DNAH5: variants seen among roughly 807,000 people sequenced by gnomAD.
DNAH5 encodes the protein dynein axonemal heavy chain 5, also known as axonemal beta dynein heavy chain 5.
Under a neutral mutation model 518.2 loss-of-function variants are expected in DNAH5, and 372 were observed. The observed-to-expected ratio is 0.72, with a 90% CI of 0.66 to 0.78. The LOEUF (loss-of-function observed/expected upper bound fraction) is 0.78. DNAH5 is among the 30% of genes least tolerant of loss of function. The probability of loss-of-function intolerance (pLI) is 0.00; values close to 1 mark genes in which losing one functional copy is unlikely to be tolerated. For missense variants in DNAH5, 5,523 were observed against 5,687.0 expected, an observed-to-expected ratio of 0.97 and a Z score of 0.93; for synonymous variants, 2,039 against 2,025.9, an observed-to-expected ratio of 1.01 and a Z score of -0.17.
chr5:13,983,730 T>A (rs1782844012), intron 1 of DNAH5, among the ~76,000 whole-genome samples: 1 of 152,150 alleles, frequency 6.6e-6, no homozygotes, highest in South Asian at 2.1e-4. Context: ...GATGACATCA[T>A]TTCCTGTTTA....
intron 47 of DNAH5, among the ~76,000 whole-genome samples, chr5:13,806,862 T>C (rs1759689734): frequency 6.6e-6 from 1 of 152,112 alleles, no homozygotes; most frequent in Admixed American, 6.5e-5. Flanking sequence ...CTGTGATACA[T>C]AGAGCAAAAT....
intron 1 of DNAH5, among the ~76,000 whole-genome samples, chr5:13,957,367 A>G (rs972453633): frequency 6.6e-6 from 1 of 152,218 alleles, no homozygotes; most frequent in Admixed American, 6.5e-5. Flanking sequence ...GTTATCAATT[A>G]TTTACACTTA....
chr5:13,695,176 T>C (rs1312510511), intron 78 of DNAH5, among the ~76,000 whole-genome samples: 1 of 152,206 alleles, frequency 6.6e-6, no homozygotes, highest in Non-Finnish European at 1.5e-5. Context: ...TGTGGCATAT[T>C]TGAGATGCCT....
chr5:13,777,057 T>G, intron 54 of DNAH5, 145 bp downstream of exon 54: 1 of 796,302 alleles, frequency 1.3e-6, no homozygotes, highest in Non-Finnish European at 2.0e-6. Context: ...AAAAACCCAA[T>G]AGAAAAACCC....
intron 1 of DNAH5, among the ~76,000 whole-genome samples, chr5:13,986,685 C>T (rs754987778): frequency 6.6e-6 from 1 of 152,180 alleles, no homozygotes; most frequent in Non-Finnish European, 1.5e-5. Context: ...TCACTACCCA[C>T]GCTGTAATTC....
intron 35 of DNAH5, among the ~76,000 whole-genome samples, chr5:13,831,804 TAAC>T (rs975371727): frequency 6.6e-6 from 1 of 152,194 alleles, no homozygotes; most frequent in Admixed American, 6.5e-5. Flanking sequence ...GCAGAGTCTG[TAAC>T]AACAACAGAC....
At chr5:13,948,303 A>G (rs1039759025), upstream of DNAH5, among the ~76,000 whole-genome samples, 2 of 152,194 alleles carry the variant, frequency 1.3e-5, no homozygotes, top group African/African-American at 2.4e-5. Flanking sequence ...GTATGGATGC[A>G]TGGGGGTGAT....
At position 13,933,483 on chromosome 5, in the gene DNAH5, A is replaced by G. The variant is rs191130036; in HGVS notation, c.58-2239T>C. Among the ~76,000 whole-genome samples, 425 of 152,314 alleles carry G rather than the reference A, an allele frequency of 2.8e-3. 5 individuals are homozygous for G. The highest frequency in any genetic ancestry group is 1.0e-2 in the African/African-American group (414 of 41,570). On this transcript the variant is annotated intron_variant, in intron 1 of 78. Coordinates refer to ENST00000265104, the MANE Select transcript of DNAH5 (RefSeq NM_001369.3). ...TATCCCAGGAGCAAGGAGAAAAAGA[A>G]GTGCAAATAAAGAAAGCTAAGGATG...
At chr5:13,832,721 T>A (rs2151842074) in intron 35 of DNAH5, among the ~76,000 whole-genome samples, 1 of 152,354 alleles carries the variant, frequency 6.6e-6, no homozygotes. Flanking sequence ...TTGTACTATA[T>A]GAACATTGGT....
chr5:13,935,854 G>A (rs1178212770), intron 1 of DNAH5, among the ~76,000 whole-genome samples: 2 of 152,176 alleles, frequency 1.3e-5, no homozygotes, highest in African/African-American at 4.8e-5. Flanking sequence ...AAGGCAGAGA[G>A]GGATTAAGAA....
chr5:13,759,695 C>T (rs1489648357), intron 60 of DNAH5, among the ~76,000 whole-genome samples: 1 of 151,942 alleles, frequency 6.6e-6, no homozygotes, highest in Non-Finnish European at 1.5e-5. Flanking sequence ...AAGACTTAAC[C>T]AAAAGCAATA....
chr5:13,876,889 T>A (rs1164170364), intron 21 of DNAH5, 72 bp from the exon 22 acceptor site: 2 of 1,482,396 alleles, frequency 1.3e-6, no homozygotes, highest in African/African-American at 2.8e-5. Flanking sequence ...ATGAGGATAT[T>A]TCTGTGATAG....
rs146599518 is a variant in DNAH5, at chr5:13,934,370, A to G, written c.58-3126T>C. Among the ~76,000 whole-genome samples, 414 of 152,310 alleles carry G rather than the reference A, an allele frequency of 2.7e-3. 2 individuals are homozygous for G. The highest frequency in any genetic ancestry group is 9.8e-3 in the African/African-American group (406 of 41,566). The stretch of plus-strand genomic sequence containing the variant: ...CCAGCAGAGCCCAGTCACTCACAGA[A>G]TAAAGAGAGATAACAGATGATTGTT... On this transcript the variant is annotated intron_variant, in intron 1 of 78. Transcript: ENST00000265104.
At chr5:13,710,862 G>A (rs1488161249) in intron 75 of DNAH5, among the ~76,000 whole-genome samples, 1 of 152,132 alleles carries the variant, frequency 6.6e-6, no homozygotes, top group Non-Finnish European at 1.5e-5. Context: ...CAGTGAGATT[G>A]AAATGGTAAT....
intron 68 of DNAH5, among the ~76,000 whole-genome samples, chr5:13,734,734 C>G (rs1057095241): frequency 6.6e-6 from 1 of 152,122 alleles, no homozygotes; most frequent in Non-Finnish European, 1.5e-5. Flanking sequence ...CCATTGAATA[C>G]CTCACTTAAA....
chr5:13,751,002 T>C, intron 65 of DNAH5, 76 bp downstream of exon 65: 2 of 1,482,274 alleles, frequency 1.3e-6, no homozygotes, highest in East Asian at 2.3e-5. Context: ...CTATTACAAC[T>C]GTTATTATCT....
chr5:13,862,238 C>A (rs566019217), intron 29 of DNAH5, among the ~76,000 whole-genome samples: 43 of 152,008 alleles, frequency 2.8e-4, no homozygotes, highest in Middle Eastern at 3.4e-3. Flanking sequence ...AGTGGATGGT[C>A]TCAGACATAC....
chr5:13,922,876 C>CTGTCAGAGG (rs1390061353), intron 4 of DNAH5, among the ~76,000 whole-genome samples: 1 of 151,760 alleles, frequency 6.6e-6, no homozygotes, highest in African/African-American at 2.4e-5. Flanking sequence ...GATAGTGCAC[C>CTGTCAGAGG]TGTCAGAGGG....
intron 60 of DNAH5, 32 bp downstream of exon 60, chr5:13,762,690 C>T: frequency 6.2e-7 from 1 of 1,608,484 alleles, no homozygotes; most frequent in East Asian, 2.2e-5. Flanking sequence ...TCCGCCCAGC[C>T]ACCTTCACCC....
Sources: allele counts gnomAD v4.1 joint callset (sites outside exome capture counted in the v4.1 genomes callset), GRCh38; gene constraint gnomAD v4.1.1; transcripts MANE v1.5; gene names NCBI Gene and HGNC (gene_info 2026-07-23, HGNC 2026-07-21).